PCBP3: variants seen among roughly 807,000 people sequenced by gnomAD.
PCBP3 encodes the protein poly(rC) binding protein 3.
In PCBP3, 25 loss-of-function variants were observed where a neutral mutation model predicts 52.7. That is an observed-to-expected ratio of 0.47 (90% CI 0.35 to 0.66). The LOEUF (loss-of-function observed/expected upper bound fraction) is 0.66, where lower values mean the gene tolerates loss of function less well. Among genes scored for constraint, PCBP3 ranks in the 30% least tolerant of loss-of-function variants. The probability of loss-of-function intolerance (pLI) is 0.01; values close to 1 mark genes in which losing one functional copy is unlikely to be tolerated. For synonymous variants in PCBP3, 162 were observed against 183.0 expected, an observed-to-expected ratio of 0.89 and a Z score of 0.93; for missense variants, 391 against 490.3, an observed-to-expected ratio of 0.80 and a Z score of 1.91.
intron 5 of PCBP3, among the ~76,000 whole-genome samples, chr21:45,865,815 G>C (rs1346785765): frequency 1.3e-5 from 2 of 152,192 alleles, no homozygotes; most frequent in African/African-American, 2.4e-5. Flanking sequence ...ACCTCGGCAG[G>C]GCAGGCGGCT....
At chr21:45,822,890 T>C (rs1236244367) in intron 4 of PCBP3, among the ~76,000 whole-genome samples, 2 of 152,138 alleles carry the variant, frequency 1.3e-5, no homozygotes, top group Admixed American at 1.3e-4. Flanking sequence ...GGGCTATGAG[T>C]TTGAGGAGGA....
chr21:45,913,928 CCCT>C lies in PCBP3; in HGVS notation c.601-21_601-19del. On this transcript the variant is annotated intron_variant, in intron 11 of 17. Coordinates refer to ENST00000681687, the MANE Select transcript of PCBP3 (RefSeq NM_001384156.1). ...GCGAAGCTGCTCTAACGCTCTCTCT[CCCT>C]CTCCTGTCCCTTTTCCTAGTCCCCA... The C allele has an allele frequency of 1.9e-6, 3 of 1,599,824 alleles. No individual in the cohort carries two copies. In the South Asian group the frequency reaches 3.4e-5, roughly 18 times the overall value.
rs974774965 is a variant in PCBP3 at position 45,915,302 on chromosome 21, C to T, written c.675+1277C>T. ...GTCCTTACCTCGCCGACCTAGGGGG[C>T]TCAGGTCACAGGGTCACACGGAGTC... On this transcript the variant is annotated intron_variant, in intron 12 of 17. Coordinates refer to ENST00000681687, the MANE Select transcript of PCBP3 (RefSeq NM_001384156.1). 2.0e-5 allele frequency: 3 copies of T among 152,216 alleles called. No individual in the cohort carries two copies. The East Asian group carries it at 5.8e-4, about 29-fold the overall frequency. The allele number at this position is 152,216 out of a possible 1,614,324, so 9.4% of individuals were successfully genotyped here. A position where few individuals can be genotyped will look rare whatever the true frequency, so the allele number is the denominator to read the frequency against.
At chr21:45,856,413 G>T (rs1046813003) in intron 5 of PCBP3, among the ~76,000 whole-genome samples, 2 of 152,170 alleles carry the variant, frequency 1.3e-5, no homozygotes, top group Non-Finnish European at 2.9e-5. Flanking sequence ...TTGGATATTT[G>T]CCCTACCCAC....
intron 5 of PCBP3, among the ~76,000 whole-genome samples, chr21:45,875,593 C>T (rs2148699007): frequency 6.6e-6 from 1 of 152,336 alleles, no homozygotes; most frequent in African/African-American, 2.4e-5. Flanking sequence ...CCCACACCAG[C>T]TTCCCCCAGG....
chr21:45,904,833 T>C lies in PCBP3; in HGVS notation c.339+3720T>C, dbSNP rs945186843. On this transcript the variant is annotated intron_variant, in intron 9 of 17. Coordinates refer to ENST00000681687, the MANE Select transcript of PCBP3 (RefSeq NM_001384156.1). This position sits in a 1 kb window ranked among gnomAD's most constrained non-coding sequence, Gnocchi z 4.8. ...TCACACCATGTCACGATTGTGCTGG[T>C]GACGGATACCTGGCCTTAAAAGAAC... Among the ~76,000 whole-genome samples the C allele has an allele frequency of 1.2e-4, 19 of 152,194 alleles. No homozygotes were observed. The highest frequency in any genetic ancestry group is 8.5e-4 in the Admixed American group (13 of 15,280).
At chr21:45,816,505 C>T (rs1216737289) in intron 4 of PCBP3, among the ~76,000 whole-genome samples, 3 of 73,352 alleles carry the variant, frequency 4.1e-5, no homozygotes, top group African/African-American at 1.6e-4. Context: ...CTTCCCCCTC[C>T]CCTCCCCTCC....
Position 45,849,980 on chromosome 21 carries a change from A to G in PCBP3, c.-106A>G. ...TTTTAGGTCGGTAGGCTCCACGACA[A>G]AAGTCAACCCTTCTGTAAATCACCT... On this transcript the variant is annotated 5_prime_UTR_variant, in exon 5 of 18. Transcript: ENST00000681687. 8.9e-7 allele frequency: 1 copy of G among 1,129,064 alleles called. No homozygotes were observed. Among genetic ancestry groups the G allele is most frequent in the South Asian group, 1.3e-5 (1 of 75,458 alleles). The allele number at this position is 1,129,064 out of a possible 1,614,324, so 69.9% of individuals were successfully genotyped here. A position where few individuals can be genotyped will look rare whatever the true frequency, so the allele number is the denominator to read the frequency against.
intron 13 of PCBP3, among the ~76,000 whole-genome samples, chr21:45,927,056 A>G (rs1483373965): frequency 6.6e-6 from 1 of 152,126 alleles, no homozygotes; most frequent in African/African-American, 2.4e-5. Flanking sequence ...ATGAAATAGA[A>G]TGCAGGTTAG....
Position 45,652,631 on chromosome 21 carries a change from C to T in PCBP3, c.-279+8763C>T, listed in dbSNP as rs531303329. Among the ~76,000 whole-genome samples, 14 of 151,974 alleles carry T rather than the reference C, an allele frequency of 9.2e-5. 1 individual carries two copies. The highest frequency in any genetic ancestry group is 4.2e-4 in the South Asian group (2 of 4,806). On this transcript the variant is annotated intron_variant, in intron 1 of 17. Coordinates refer to ENST00000681687, the MANE Select transcript of PCBP3 (RefSeq NM_001384156.1). ...TAATTTTTGTATTTTTTAGTAGAGA[C>T]GGGGTTTCACCATGTTGGCCAGGCT...
At chr21:45,842,795 C>T (rs953236145) in intron 4 of PCBP3, among the ~76,000 whole-genome samples, 2 of 152,170 alleles carry the variant, frequency 1.3e-5, no homozygotes, top group South Asian at 2.1e-4. Flanking sequence ...GTGCTTGGTA[C>T]TGCTGGGTGG....
At chr21:45,677,007 A>T (rs949896549) in intron 2 of PCBP3, among the ~76,000 whole-genome samples, 2 of 152,118 alleles carry the variant, frequency 1.3e-5, no homozygotes, top group African/African-American at 4.8e-5. Context: ...TCTTGGCTTC[A>T]AGTGATCCAC....
intron 2 of PCBP3, among the ~76,000 whole-genome samples, chr21:45,713,635 C>T (rs8134795): frequency 0.029 from 4,455 of 152,320 alleles, 234 homozygotes; most frequent in African/African-American, 0.1. Context: ...TGTGCCTGCA[C>T]CTGCTGACGC....
At chr21:45,815,609 G>GATGA (rs2092900752) in intron 4 of PCBP3, among the ~76,000 whole-genome samples, 1 of 81,886 alleles carries the variant, frequency 1.2e-5, no homozygotes, top group African/African-American at 5.9e-5. Context: ...ATGAGTGAGT[G>GATGA]GTGAGTAGTG....
At chr21:45,720,528 AAG>A (rs1173520580) in intron 2 of PCBP3, among the ~76,000 whole-genome samples, 1 of 152,234 alleles carries the variant, frequency 6.6e-6, no homozygotes, top group Non-Finnish European at 1.5e-5. Flanking sequence ...GTAATAAAAA[AAG>A]AATCAATTTT....
intron 4 of PCBP3, among the ~76,000 whole-genome samples, chr21:45,820,259 C>T (rs777094902): frequency 1.0e-4 from 16 of 152,388 alleles, no homozygotes; most frequent in Middle Eastern, 3.4e-3. Context: ...AGTCCGGCTG[C>T]CATGGCAGTG....
intron 2 of PCBP3, among the ~76,000 whole-genome samples, chr21:45,675,567 G>A (rs1373595240): frequency 6.6e-6 from 1 of 152,180 alleles, no homozygotes; most frequent in East Asian, 1.9e-4. Flanking sequence ...CTCAGGGCTG[G>A]GAGCACTAGG....
chr21:45,708,334 A>G (rs1219978107), intron 2 of PCBP3, among the ~76,000 whole-genome samples: 1 of 152,120 alleles, frequency 6.6e-6, no homozygotes, highest in Non-Finnish European at 1.5e-5. Context: ...CAGAATCTGC[A>G]TTTCTGCCCA....
intron 2 of PCBP3, among the ~76,000 whole-genome samples, chr21:45,691,837 A>G (rs2082500150): frequency 6.6e-6 from 1 of 152,146 alleles, no homozygotes; most frequent in African/African-American, 2.4e-5. Flanking sequence ...ACTATAATTG[A>G]CTGGAAACTA....
Sources: gnomAD v4.1 joint callset for allele counts (sites outside exome capture counted in the v4.1 genomes callset) on GRCh38, gnomAD v4.1.1 for gene constraint, Gnocchi (gnomAD v3.1) non-coding constraint, MANE v1.5 for transcripts, NCBI Gene and HGNC (gene_info 2026-07-23, HGNC 2026-07-21) for gene names.